Variants in FAAH observed in about 807,000 individuals in gnomAD.
FAAH encodes the protein fatty-acid amide hydrolase 1.
Under a neutral mutation model 69.7 loss-of-function variants are expected in FAAH, and 63 were observed. That is an observed-to-expected ratio of 0.90 (90% confidence interval 0.74 to 1.12). The LOEUF is 1.12. Ranked by LOEUF, FAAH falls within the 50% of genes most tolerant of loss-of-function variation. The pLI is 0.00. For missense variants in FAAH, 680 were observed against 755.0 expected (o/e 0.90, Z 1.16); for synonymous variants, 305 against 324.2 (o/e 0.94, Z 0.64).
chr1:46,409,776 C>A (rs191800785), intron 9 of FAAH, among the ~76,000 whole-genome samples: 1 of 152,102 alleles, frequency 6.6e-6, no homozygotes, highest in Non-Finnish European at 1.5e-5. Context: ...GGACTGGAAC[C>A]CTTCAGAACA....
intron 2 of FAAH, 68 bp downstream of exon 2, chr1:46,402,272 C>A: frequency 7.7e-7 from 1 of 1,295,220 alleles, no homozygotes; most frequent in Non-Finnish European, 1.1e-6. Context: ...CCCTCCCTTT[C>A]CCCTCCCTCT....
chr1:46,404,616 G>C lies in FAAH; in HGVS notation c.310-398G>C, dbSNP rs1341054165. Among the ~76,000 whole-genome samples, 1 of 152,224 alleles carries C rather than the reference G, an allele frequency of 6.6e-6. No homozygotes were observed. The highest frequency in any genetic ancestry group is 1.5e-5 in the Non-Finnish European group (1 of 68,038). On this transcript the variant is annotated intron_variant, in intron 2 of 14. Transcript: ENST00000243167. The surrounding 1 kb of genome is among the most constrained non-coding windows in gnomAD (Gnocchi z 4.5). The stretch of plus-strand genomic sequence containing the variant: ...CTGTGGTTGCCCTTCAGTGTGACCA[G>C]TGATGGGGCGCTGCCCCTGTCTGGT...
chr1:46,413,705 C>G lies in FAAH; in HGVS notation c.*130C>G. 2 of 1,385,826 alleles carry G rather than the reference C, an allele frequency of 1.4e-6. No homozygotes were observed. 85.8% of individuals were successfully genotyped at this position (1,385,826 alleles called of 1,614,324 possible). On this transcript the variant is annotated 3_prime_UTR_variant, in exon 15 of 15. Coordinates refer to ENST00000243167, the MANE Select transcript of FAAH (RefSeq NM_001441.3). ...GAGGCTTCCGTGTCCTCTCCCCCAACCCCCTGCAAGAAGCGCCGACTCCCT... is the reference window on the plus strand; with the variant it reads ...GAGGCTTCCGTGTCCTCTCCCCCAAGCCCCTGCAAGAAGCGCCGACTCCCT...
At chr1:46,409,231 G>T (rs745604113) in intron 9 of FAAH, 33 bp downstream of exon 9, 2 of 1,544,384 alleles carry the variant, frequency 1.3e-6, no homozygotes, top group African/African-American at 2.7e-5. Context: ...GTCTTGGTGG[G>T]ATCAGACAAG....
Position 46,404,767 on chromosome 1 carries a change from T to C in FAAH, c.310-247T>C, listed in dbSNP as rs1382699751. ...GGCCAGTATCTTGCTCCCTTGAGTG[T>C]CCCGGTTGTGCCCTGGTCCTGGTTG... On this transcript the variant is annotated intron_variant, in intron 2 of 14. Coordinates refer to ENST00000243167, the MANE Select transcript of FAAH (RefSeq NM_001441.3). This position sits in a 1 kb window ranked among gnomAD's most constrained non-coding sequence, Gnocchi z 4.5. 6.6e-6 allele frequency among the ~76,000 whole-genome samples: 1 copy of C among 152,158 alleles called. No individual in the cohort carries two copies. The highest frequency in any genetic ancestry group is 6.5e-5 in the Admixed American group (1 of 15,284).
intron 7 of FAAH, among the ~76,000 whole-genome samples, chr1:46,408,012 G>A (rs1418808416): frequency 3.9e-5 from 6 of 152,094 alleles, no homozygotes; most frequent in African/African-American, 7.2e-5. Context: ...TATTCTAACC[G>A]AACCCACGGG....
At position 46,394,446 on chromosome 1, in the gene FAAH, G is replaced by A. The variant is rs998273710; in HGVS notation, c.98G>A (p.Gly33Glu). Residue 33 changes from glycine to glutamate, a missense_variant, in exon 1 of 15, where the codon GGG (glycine) becomes GAG (glutamate). Physicochemically the swap from Gly to Glu is moderately conservative, Grantham distance 98. Coordinates refer to ENST00000243167, the MANE Select transcript of FAAH (RefSeq NM_001441.3). ...VAAAVALRWS[G>E]RRTARGAVVR... ...GCGGCCGTGGCCCTGCGCTGGTCCG[G>A]GCGCCGGACGGCGCGGGGCGCGGTG... 8.5e-5 allele frequency: 117 copies of A among 1,377,558 alleles called. No individual in the cohort carries two copies. Among genetic ancestry groups the A allele is most frequent in the Non-Finnish European group, 9.6e-5 (103 of 1,073,858 alleles). The allele number at this position is 1,377,558 out of a possible 1,614,324, so 85.3% of individuals were successfully genotyped here.
chr1:46,402,783 C>A (rs775191998), intron 2 of FAAH, among the ~76,000 whole-genome samples: 3 of 151,778 alleles, frequency 2.0e-5, no homozygotes, highest in Non-Finnish European at 2.9e-5. Context: ...GCCTCCACCT[C>A]CTGGGTTCAA....
chr1:46,411,648 C>T lies in FAAH; in HGVS notation c.1353C>T (p.Ile451=), dbSNP rs148829596. 101 of 1,613,230 alleles carry T rather than the reference C, an allele frequency of 6.3e-5. No homozygotes were observed. The highest frequency in any genetic ancestry group is 7.7e-5 in the Non-Finnish European group (91 of 1,179,844). The stretch of plus-strand genomic sequence containing the variant: ...AACTCTGGGAACTGCAGCACGAGAT[C>T]GAGGTGAGGCCAGAGCCTCTGGATT... ...AGKLWELQHE[I]EVYRKTVIAQ... The change falls in exon 12 of 15, where the codon ATC becomes ATT. Residue 451 remains isoleucine, a synonymous_variant. Transcript: ENST00000243167. The surrounding 1 kb of genome is among the most constrained non-coding windows in gnomAD (Gnocchi z 4.8).
intron 1 of FAAH, 39 bp downstream of exon 1, chr1:46,394,582 G>T: frequency 7.7e-7 from 1 of 1,291,972 alleles, no homozygotes; most frequent in Non-Finnish European, 9.8e-7. Context: ...GCGGCCTGAG[G>T]GTACTCGCAG....
chr1:46,410,739 TG>T lies in FAAH; in HGVS notation c.1276-73del. Reference sequence around the variant, plus strand: ...GAGGCATGGAGGGAGGGGTCCCCAGTGGCTTGGCCTGAAGAAGGTTGACGTC... The same window carrying T: ...GAGGCATGGAGGGAGGGGTCCCCAGTGCTTGGCCTGAAGAAGGTTGACGTC... On this transcript the variant is annotated intron_variant, in intron 10 of 14. Transcript: ENST00000243167. This position sits in a 1 kb window ranked among gnomAD's most constrained non-coding sequence, Gnocchi z 4.9. 6.3e-7 allele frequency: 1 copy of T among 1,591,368 alleles called. No homozygotes were observed. Among genetic ancestry groups the T allele is most frequent in the Non-Finnish European group, 8.6e-7 (1 of 1,159,396 alleles).
intron 1 of FAAH, among the ~76,000 whole-genome samples, chr1:46,396,702 G>A (rs1341684645): frequency 6.6e-6 from 1 of 152,220 alleles, no homozygotes; most frequent in Non-Finnish European, 1.5e-5. Context: ...GTTTCTGCGA[G>A]CATAGGGTTG....
intron 2 of FAAH, among the ~76,000 whole-genome samples, chr1:46,403,599 G>A (rs1453118563): frequency 6.6e-6 from 1 of 152,238 alleles, no homozygotes; most frequent in Non-Finnish European, 1.5e-5. Flanking sequence ...TTGGGTGTCA[G>A]CAGCTCTGCA....
rs1197516621 is a variant in FAAH, at chr1:46,405,774, G to A, written c.765G>A (p.Lys255=). The part of the protein sequence containing the change: ...PSSFCGICGL[K]PTGNRLSKSG... ...CCTTCTGCGGCATCTGCGGCCTCAA[G>A]CCCACAGGGAACCGCCTCAGGTAAG... The change falls in exon 5 of 15, where the codon AAG becomes AAA. Residue 255 remains lysine, a synonymous_variant. Coordinates refer to ENST00000243167, the MANE Select transcript of FAAH (RefSeq NM_001441.3). This position sits in a 1 kb window ranked among gnomAD's most constrained non-coding sequence, Gnocchi z 4.1. The A allele has an allele frequency of 1.2e-6, 2 of 1,613,374 alleles. No individual in the cohort carries two copies. Among genetic ancestry groups the A allele is most frequent in the Non-Finnish European group, 1.7e-6 (2 of 1,180,034 alleles).
At chr1:46,408,640 C>T in intron 8 of FAAH, 56 bp downstream of exon 8, 2 of 1,612,590 alleles carry the variant, frequency 1.2e-6, no homozygotes, top group East Asian at 4.5e-5. Flanking sequence ...GGGAAGCCTT[C>T]CTGGTACCCA....
intron 14 of FAAH, 72 bp from the exon 15 acceptor site, chr1:46,413,375 G>A (rs1236250598): frequency 3.7e-6 from 6 of 1,612,158 alleles, no homozygotes; most frequent in Non-Finnish European, 5.1e-6. Context: ...CTCTCTAGCT[G>A]GGTGCTTCCT....
At chr1:46,406,101 T>G (rs764546170) in intron 6 of FAAH, 23 bp downstream of exon 6, 1 of 1,614,132 alleles carries the variant, frequency 6.2e-7, no homozygotes. Flanking sequence ...GTGCTCTCAG[T>G]GCCCCGAGGA....
In FAAH at chr1:46,405,112, CG is replaced by C; in HGVS notation, c.409del (p.Val137SerfsTer3). ...QAPRQGLLYG[V>X]PVSLKECFTY... Reference sequence around the variant, plus strand: ...CCCCAAGGCAGGGCCTGCTCTATGGCGTCCCTGTGAGCCTCAAGGAGTGCTT... The same window carrying C: ...CCCCAAGGCAGGGCCTGCTCTATGGCTCCCTGTGAGCCTCAAGGAGTGCTT... On this transcript the variant is annotated frameshift_variant, in exon 3 of 15. Transcript: ENST00000243167. LOFTEE classifies it high-confidence loss of function. The surrounding 1 kb of genome is among the most constrained non-coding windows in gnomAD (Gnocchi z 4.1). The C allele has an allele frequency of 2.5e-6, 4 of 1,613,820 alleles. No individual in the cohort carries two copies. The highest frequency in any genetic ancestry group is 3.4e-6 in the Non-Finnish European group (4 of 1,180,002).
chr1:46,410,437 C>T lies in FAAH; in HGVS notation c.1215C>T (p.Val405=), dbSNP rs768649813. The T allele has an allele frequency of 6.2e-7, 1 of 1,614,076 alleles. No individual in the cohort carries two copies. The highest frequency in any genetic ancestry group is 1.7e-5 in the Admixed American group (1 of 60,026). ...TGGACCCCTGCCTGGGGGACCTGGT[C>T]TCAATTCTGAAGCTTCCCCAATGGC... The part of the protein sequence containing the change: ...DFVDPCLGDL[V]SILKLPQWLK... Residue 405 remains valine (V), a synonymous_variant, in exon 10 of 15, where the codon GTC becomes GTT. Transcript: ENST00000243167. The surrounding 1 kb of genome is among the most constrained non-coding windows in gnomAD (Gnocchi z 4.9).
Sources: allele counts gnomAD v4.1 joint callset (sites outside exome capture counted in the v4.1 genomes callset), GRCh38; gene constraint gnomAD v4.1.1; non-coding constraint Gnocchi (gnomAD v3.1); transcripts MANE v1.5; gene names NCBI Gene and HGNC (gene_info 2026-07-23, HGNC 2026-07-21).